Variants in ATP8A2 observed in about 807,000 individuals in gnomAD.
The protein encoded by ATP8A2 is phospholipid-transporting ATPase IB.
Under a neutral mutation model 165.6 loss-of-function variants are expected in ATP8A2, and 100 were observed. The ratio of observed to expected loss-of-function variants is 0.60; its 90% confidence interval spans 0.51 to 0.71. ATP8A2 has a LOEUF of 0.71. Ranked by LOEUF, ATP8A2 falls within the 30% of genes least tolerant of loss-of-function variation. The pLI, the probability that ATP8A2 is intolerant of heterozygous loss-of-function variation, is 0.00. For missense variants in ATP8A2, 1,227 were observed against 1,479.5 expected, an observed-to-expected ratio of 0.83 and a Z score of 2.80; for synonymous variants, 543 against 548.8, an observed-to-expected ratio of 0.99 and a Z score of 0.15.
At chr13:25,465,264 C>G (rs2035603589) in intron 1 of ATP8A2, among the ~76,000 whole-genome samples, 2 of 151,716 alleles carry the variant, frequency 1.3e-5, no homozygotes, top group South Asian at 4.2e-4. Flanking sequence ...TTTTCTAATA[C>G]AGGGTTAGGT....
intron 24 of ATP8A2, among the ~76,000 whole-genome samples, chr13:25,660,691 T>C (rs73476840): frequency 7.6e-4 from 116 of 152,022 alleles, no homozygotes; most frequent in African/African-American, 2.5e-3. Context: ...TATGAAGCAA[T>C]AAACCAAGTC....
At chr13:25,654,011 A>G (rs2041873392) in intron 24 of ATP8A2, among the ~76,000 whole-genome samples, 1 of 152,106 alleles carries the variant, frequency 6.6e-6, no homozygotes, top group African/African-American at 2.4e-5. Context: ...AGGTGGGGAC[A>G]TTTGCTTTCC....
intron 30 of ATP8A2, among the ~76,000 whole-genome samples, chr13:25,853,489 C>A (rs538974467): frequency 2.7e-5 from 4 of 150,346 alleles, no homozygotes; most frequent in Admixed American, 1.3e-4. Flanking sequence ...GAAACATGTT[C>A]TATGTCCTCC....
chr13:25,450,677 G>GC (rs2035198066), intron 1 of ATP8A2, among the ~76,000 whole-genome samples: 1 of 152,086 alleles, frequency 6.6e-6, no homozygotes, highest in Admixed American at 6.5e-5. Flanking sequence ...GACTACAGGC[G>GC]CCCGCCACCA....
chr13:25,470,917 T>C (rs2035825312), intron 2 of ATP8A2, among the ~76,000 whole-genome samples: 3 of 152,086 alleles, frequency 2.0e-5, no homozygotes, highest in African/African-American at 7.2e-5. Flanking sequence ...GAGGCAAATT[T>C]ATAGAGTTAT....
chr13:25,821,642 T>C (rs929027834), intron 27 of ATP8A2, among the ~76,000 whole-genome samples: 1 of 152,200 alleles, frequency 6.6e-6, no homozygotes, highest in African/African-American at 2.4e-5. Context: ...TTTCTAAGTT[T>C]TGTATCGGGT....
chr13:25,383,781 C>T (rs2032940446), intron 1 of ATP8A2, among the ~76,000 whole-genome samples: 1 of 152,094 alleles, frequency 6.6e-6, no homozygotes, highest in Non-Finnish European at 1.5e-5. Context: ...CTTTTCTTCT[C>T]CATAGTGACC....
chr13:26,000,467 T>C (rs1956610714), intron 35 of ATP8A2, among the ~76,000 whole-genome samples: 1 of 152,122 alleles, frequency 6.6e-6, no homozygotes. Context: ...ATAACTCAGC[T>C]CTCCACTTCT....
chr13:25,768,749 G>C (rs2044549862), intron 25 of ATP8A2, among the ~76,000 whole-genome samples: 1 of 152,132 alleles, frequency 6.6e-6, no homozygotes, highest in Non-Finnish European at 1.5e-5. Context: ...TTATCATTCA[G>C]CAGGGCACAC....
At chr13:25,864,641 ATTT>A (rs1952454825) in intron 33 of ATP8A2, among the ~76,000 whole-genome samples, 1 of 152,218 alleles carries the variant, frequency 6.6e-6, no homozygotes, top group Non-Finnish European at 1.5e-5. Context: ...GTAAAAGCTT[ATTT>A]TTCTTTAAAA....
chr13:25,711,048 A>G (rs909220846), intron 25 of ATP8A2, among the ~76,000 whole-genome samples: 1 of 152,136 alleles, frequency 6.6e-6, no homozygotes, highest in Non-Finnish European at 1.5e-5. Flanking sequence ...TCTGTCGCCC[A>G]GGCTGGAATG....
intron 19 of ATP8A2, 27 bp from the exon 20 acceptor site, chr13:25,577,042 A>G: frequency 6.3e-7 from 1 of 1,593,660 alleles, no homozygotes; most frequent in Non-Finnish European, 8.6e-7. Flanking sequence ...CAGACCAATG[A>G]TGACTTTTTT....
intron 16 of ATP8A2, among the ~76,000 whole-genome samples, chr13:25,570,206 A>T (rs1452900444): frequency 2.0e-5 from 3 of 152,288 alleles, no homozygotes; most frequent in South Asian, 4.1e-4. Context: ...CACTGTATAG[A>T]ACAGATGTCG....
At chr13:25,708,549 C>T (rs2043098259) in intron 25 of ATP8A2, among the ~76,000 whole-genome samples, 1 of 152,140 alleles carries the variant, frequency 6.6e-6, no homozygotes, top group Admixed American at 6.5e-5. Flanking sequence ...CAATGCTTTC[C>T]CTTGCCTGAT....
intron 25 of ATP8A2, among the ~76,000 whole-genome samples, chr13:25,759,771 G>A (rs73154576): frequency 0.015 from 2,227 of 152,130 alleles, 33 homozygotes; most frequent in Non-Finnish European, 0.023. Context: ...ACTATAACCG[G>A]TTGATTTCAG....
intron 33 of ATP8A2, among the ~76,000 whole-genome samples, chr13:25,897,795 T>C (rs1953605472): frequency 6.6e-6 from 1 of 152,228 alleles, no homozygotes; most frequent in African/African-American, 2.4e-5. Context: ...TCATCTTCCA[T>C]CGCTGATACC....
chr13:25,737,842 C>G (rs1478678127), intron 25 of ATP8A2, among the ~76,000 whole-genome samples: 1 of 152,126 alleles, frequency 6.6e-6, no homozygotes, highest in Non-Finnish European at 1.5e-5. Context: ...GGCCACCATG[C>G]CTGACTAATT....
At position 25,372,146 on chromosome 13, in the gene ATP8A2, C is replaced by A; in HGVS notation, c.-67C>A. On this transcript the variant is annotated 5_prime_UTR_variant, in exon 1 of 37. The change creates a new upstream start codon in the 5' untranslated region. Coordinates refer to ENST00000381655, the MANE Select transcript of ATP8A2 (RefSeq NM_016529.6). This position sits in a 1 kb window ranked among gnomAD's most constrained non-coding sequence, Gnocchi z 4.8. ...ACCCATGGTCCTCGGGCGGCGGCCC[C>A]TGCGCCCAGCCCTGCGCGTAGCCTC... 5.1e-6 allele frequency: 6 copies of A among 1,175,490 alleles called. No homozygotes were observed. The highest frequency in any genetic ancestry group is 6.6e-6 in the Non-Finnish European group (6 of 913,520). The allele number at this position is 1,175,490 out of a possible 1,614,324, so 72.8% of individuals were successfully genotyped here.
chr13:25,517,779 T>C (rs1418882113), intron 2 of ATP8A2, among the ~76,000 whole-genome samples: 2 of 152,242 alleles, frequency 1.3e-5, no homozygotes, highest in Non-Finnish European at 2.9e-5. Context: ...AAAATATAAA[T>C]GGCAGTGTTT....
Sources: gnomAD v4.1 joint callset for allele counts (sites outside exome capture counted in the v4.1 genomes callset) on GRCh38, gnomAD v4.1.1 for gene constraint, Gnocchi (gnomAD v3.1) non-coding constraint, MANE v1.5 for transcripts, NCBI Gene and HGNC (gene_info 2026-07-23, HGNC 2026-07-21) for gene names.